The following GRID2 variants were observed in gnomAD, a reference collection of about 807,000 sequenced individuals.
GRID2 encodes glutamate ionotropic receptor delta type subunit 2.
A neutral mutation model predicts 114.8 loss-of-function variants in GRID2; 33 were observed. That is an observed-to-expected ratio of 0.29 (90% CI 0.22 to 0.38). GRID2 has a LOEUF of 0.38. Among genes scored for constraint, GRID2 ranks in the 10% least tolerant of loss-of-function variants. The probability of loss-of-function intolerance (pLI) is 1.00; values close to 1 mark genes in which losing one functional copy is unlikely to be tolerated. For synonymous variants in GRID2, 505 were observed against 449.9 expected, an observed-to-expected ratio of 1.12 and a Z score of -1.55; for missense variants, 1,184 against 1,257.7, an observed-to-expected ratio of 0.94 and a Z score of 0.89.
intron 13 of GRID2, among the ~76,000 whole-genome samples, chr4:93,526,156 C>T (rs1193279363): frequency 6.6e-6 from 1 of 152,136 alleles, no homozygotes; most frequent in Non-Finnish European, 1.5e-5. Context: ...GGATCATGGG[C>T]GTAGTTTCTC....
chr4:93,440,063 C>T (rs1374812355), intron 10 of GRID2, among the ~76,000 whole-genome samples: 1 of 151,968 alleles, frequency 6.6e-6, no homozygotes, highest in Non-Finnish European at 1.5e-5. Flanking sequence ...GAGAGCCCAC[C>T]ACCCACTGGG....
At chr4:92,880,660 G>C (rs1190193312) in intron 2 of GRID2, among the ~76,000 whole-genome samples, 1 of 151,886 alleles carries the variant, frequency 6.6e-6, no homozygotes, top group East Asian at 1.9e-4. Flanking sequence ...AATAAATATG[G>C]CCTTTTCAAA....
chr4:93,267,902 A>G (rs912698255), intron 8 of GRID2, among the ~76,000 whole-genome samples: 5 of 152,084 alleles, frequency 3.3e-5, no homozygotes. Context: ...GATCCTTCCT[A>G]GTGTCATTCC....
In GRID2 at chr4:93,559,836, G is replaced by A. The variant is rs146136498; in HGVS notation, c.2193+44425G>A. 2.5e-3 allele frequency among the ~76,000 whole-genome samples: 382 copies of A among 152,034 alleles called. 1 individual carries two copies. The highest frequency in any genetic ancestry group is 3.4e-3 in the Middle Eastern group (1 of 294). ...AATGACTTGGAACCAACCCAAATGC[G>A]CATCAATTATAGACTAGATAAAGAA... On this transcript the variant is annotated intron_variant, in intron 13 of 15. Transcript: ENST00000282020.
chr4:93,359,869 T>TAAA lies in GRID2; in HGVS notation c.1246-35708_1246-35706dup, dbSNP rs1158118048. Among the ~76,000 whole-genome samples the TAAA allele has an allele frequency of 1.4e-3, 32 of 23,628 alleles. 1 individual carries two copies. The highest frequency in any genetic ancestry group is 3.9e-3 in the Admixed American group (5 of 1,294). The allele number at this position is 23,628 out of a possible 152,430, so 15.5% of individuals were successfully genotyped here. On this transcript the variant is annotated intron_variant, in intron 8 of 15. Coordinates refer to ENST00000282020, the MANE Select transcript of GRID2 (RefSeq NM_001510.4). ...CAAAAGGGCATAGATAAGGAAGGTGTAAAAAAAAAAAAAAAAAAAAAAAAA... is the reference window on the plus strand; with the variant it reads ...CAAAAGGGCATAGATAAGGAAGGTGTAAAAAAAAAAAAAAAAAAAAAAAAAAAA...
intron 2 of GRID2, among the ~76,000 whole-genome samples, chr4:92,776,483 T>TTGTGTAGGGGGAGGGTA (rs981752091): frequency 6.6e-6 from 1 of 152,082 alleles, no homozygotes; most frequent in African/African-American, 2.4e-5. Flanking sequence ...AGTGTGCTCC[T>TTGTGTAGGGGGAGGGTA]TGTGTAGGGG....
At chr4:93,523,096 G>C (rs1730495827) in intron 13 of GRID2, among the ~76,000 whole-genome samples, 1 of 152,044 alleles carries the variant, frequency 6.6e-6, no homozygotes, top group Non-Finnish European at 1.5e-5. Flanking sequence ...GAATTTTCGG[G>C]ACAAGGGTCT....
intron 1 of GRID2, among the ~76,000 whole-genome samples, chr4:92,461,129 T>G (rs1437922221): frequency 6.6e-6 from 1 of 151,700 alleles, no homozygotes; most frequent in Non-Finnish European, 1.5e-5. Flanking sequence ...TTTAACTGAG[T>G]AATGAAAGAA....
chr4:92,461,641 C>T (rs911875148), intron 1 of GRID2, among the ~76,000 whole-genome samples: 4 of 151,878 alleles, frequency 2.6e-5, no homozygotes, highest in African/African-American at 9.7e-5. Flanking sequence ...TAAACTTACC[C>T]TAATTATACT....
At position 92,988,630 on chromosome 4, in the gene GRID2, G is replaced by A. The variant is rs544634529; in HGVS notation, c.245-96365G>A. On this transcript the variant is annotated intron_variant, in intron 2 of 15. Coordinates refer to ENST00000282020, the MANE Select transcript of GRID2 (RefSeq NM_001510.4). ...TCATGGTATTTATTACATTTTAACT[G>A]GATTACCCAATTTATAGACACGAAA... Among the ~76,000 whole-genome samples, 26 of 151,958 alleles carry A rather than the reference G, an allele frequency of 1.7e-4. No homozygotes were observed. In the South Asian group the frequency reaches 3.1e-3, roughly 18 times the overall value.
At chr4:93,578,215 G>A (rs952099087) in intron 13 of GRID2, among the ~76,000 whole-genome samples, 2 of 152,098 alleles carry the variant, frequency 1.3e-5, no homozygotes, top group African/African-American at 2.4e-5. Context: ...ACGGGATTGC[G>A]CTTACATCCA....
intron 2 of GRID2, among the ~76,000 whole-genome samples, chr4:92,863,636 C>G (rs1744674370): frequency 6.6e-6 from 1 of 152,088 alleles, no homozygotes; most frequent in Non-Finnish European, 1.5e-5. Flanking sequence ...TGTGTATCTT[C>G]ACTTTCATCA....
At chr4:92,670,979 T>G (rs1733032960) in intron 2 of GRID2, among the ~76,000 whole-genome samples, 1 of 152,134 alleles carries the variant, frequency 6.6e-6, no homozygotes, top group Non-Finnish European at 1.5e-5. Context: ...GAACCCAAAA[T>G]GTATATATCA....
rs530764211 is a variant in GRID2, at chr4:92,580,323, T to C, written c.89-9808T>C. On this transcript the variant is annotated intron_variant, in intron 1 of 15. Transcript: ENST00000282020. ...TTGTTGCTAGTTAAATGTACATTCA[T>C]GTAATAAAGAAGAAGAAAAAAATTA... 2.1e-5 allele frequency among the ~76,000 whole-genome samples: 3 copies of C among 140,070 alleles called. No homozygotes were observed. The East Asian group carries it at 6.2e-4, about 29-fold the overall frequency. 91.9% of individuals were successfully genotyped at this position (140,070 alleles called of 152,430 possible). A position where few individuals can be genotyped will look rare whatever the true frequency, so the allele number is the denominator to read the frequency against.
chr4:92,911,777 CTT>C (rs529109175), intron 2 of GRID2, among the ~76,000 whole-genome samples: 6 of 143,092 alleles, frequency 4.2e-5, no homozygotes, highest in African/African-American at 1.0e-4. Flanking sequence ...AAATAAATGC[CTT>C]TTTTTTTTTT....
chr4:93,782,631 T>C (rs1734502636), intron 1 of GRID2, among the ~76,000 whole-genome samples: 1 of 152,152 alleles, frequency 6.6e-6, no homozygotes, highest in Admixed American at 6.5e-5. Context: ...TAGATTTTTG[T>C]CCAGGATCTT....
intron 1 of GRID2, among the ~76,000 whole-genome samples, chr4:92,406,937 A>G (rs1452259706): frequency 1.3e-5 from 2 of 151,906 alleles, no homozygotes; most frequent in Non-Finnish European, 2.9e-5. Context: ...CTATAAAGAT[A>G]CTATCTGAAA....
chr4:92,463,344 C>T (rs1721588590), intron 1 of GRID2, among the ~76,000 whole-genome samples: 2 of 151,890 alleles, frequency 1.3e-5, no homozygotes, highest in African/African-American at 4.8e-5. Flanking sequence ...AATTATAAAA[C>T]CACTCCTCCT....
At chr4:93,660,089 T>C (rs961013254) in intron 14 of GRID2, among the ~76,000 whole-genome samples, 2 of 152,098 alleles carry the variant, frequency 1.3e-5, no homozygotes, top group Non-Finnish European at 1.5e-5. Flanking sequence ...CTTAAATAAT[T>C]ACAGTTGAAT....
Sources: allele counts gnomAD v4.1 joint callset (sites outside exome capture counted in the v4.1 genomes callset), GRCh38; gene constraint gnomAD v4.1.1; transcripts MANE v1.5; gene names NCBI Gene and HGNC (gene_info 2026-07-23, HGNC 2026-07-21).